The following MLLT3 variants were observed in gnomAD, a reference collection of about 807,000 sequenced individuals.
MLLT3 encodes the protein protein AF-9.
MLLT3 carries 4 observed loss-of-function variants against 53.2 expected under a neutral mutation model. The ratio of observed to expected loss-of-function variants is 0.08; its 90% CI spans 0.04 to 0.17. The LOEUF (loss-of-function observed/expected upper bound fraction) is 0.17. Among genes scored for constraint, MLLT3 ranks in the 10% least tolerant of loss-of-function variants. The probability of loss-of-function intolerance (pLI) is 1.00; values close to 1 mark genes in which losing one functional copy is unlikely to be tolerated. For synonymous variants in MLLT3, 283 were observed against 230.6 expected, an observed-to-expected ratio of 1.23 and a Z score of -2.06; for missense variants, 569 against 684.0, an observed-to-expected ratio of 0.83 and a Z score of 1.87.
At chr9:20,499,307 C>T (rs1419910038) in intron 2 of MLLT3, among the ~76,000 whole-genome samples, 1 of 152,136 alleles carries the variant, frequency 6.6e-6, no homozygotes, top group Non-Finnish European at 1.5e-5. Flanking sequence ...TAGGATTCAA[C>T]ATATATTTGG....
intron 2 of MLLT3, among the ~76,000 whole-genome samples, chr9:20,555,299 A>G (rs1234400921): frequency 6.6e-6 from 1 of 152,044 alleles, no homozygotes; most frequent in East Asian, 1.9e-4. Flanking sequence ...CCTCCAACCT[A>G]AATTTTTAGA....
intron 10 of MLLT3, among the ~76,000 whole-genome samples, chr9:20,348,696 A>G (rs1171380432): frequency 6.6e-6 from 1 of 152,200 alleles, no homozygotes; most frequent in Non-Finnish European, 1.5e-5. Flanking sequence ...GTACCCAATT[A>G]TGGTTAAAGT....
At chr9:20,587,156 A>T (rs1187467651) in intron 2 of MLLT3, among the ~76,000 whole-genome samples, 4 of 150,766 alleles carry the variant, frequency 2.7e-5, no homozygotes, top group Non-Finnish European at 5.9e-5. Flanking sequence ...TAATTTTTGC[A>T]TATTTCCAAC....
intron 5 of MLLT3, among the ~76,000 whole-genome samples, chr9:20,389,582 C>T (rs1822134207): frequency 6.6e-6 from 1 of 151,966 alleles, no homozygotes; most frequent in Non-Finnish European, 1.5e-5. Flanking sequence ...CAAGACCAGC[C>T]TGGGTAACAC....
chr9:20,622,069 G>GT (rs915832515), intron 1 of MLLT3, 176 bp downstream of exon 1: 1 of 218,900 alleles, frequency 4.6e-6, no homozygotes, highest in East Asian at 2.0e-4. Flanking sequence ...GCGCGCCGGG[G>GT]GGGGGTGGGG....
chr9:20,593,731 A>AC (rs1367867755), intron 2 of MLLT3, among the ~76,000 whole-genome samples: 3 of 152,058 alleles, frequency 2.0e-5, no homozygotes, highest in Non-Finnish European at 4.4e-5. Flanking sequence ...GTAATGTAAA[A>AC]CTCTGAGGCA....
At chr9:20,353,617 C>T (rs756923795) in intron 9 of MLLT3, 21 bp from the exon 10 acceptor site, 1 of 1,601,526 alleles carries the variant, frequency 6.2e-7, no homozygotes, top group South Asian at 1.1e-5. Flanking sequence ...AGAATGTCCC[C>T]GAAAAGGACA....
chr9:20,537,314 T>TA (rs1208404120), intron 2 of MLLT3, among the ~76,000 whole-genome samples: 2 of 152,040 alleles, frequency 1.3e-5, no homozygotes, highest in African/African-American at 4.8e-5. Flanking sequence ...TTGTCTAGAG[T>TA]AGGGGGCAGA....
In MLLT3 at chr9:20,462,625, C is replaced by CA. The variant is rs1824139057; in HGVS notation, c.194-5840dup. Among the ~76,000 whole-genome samples, 3 of 151,844 alleles carry CA rather than the reference C, an allele frequency of 2.0e-5. 1 individual carries two copies. The highest frequency in any genetic ancestry group is 2.0e-4 in the Admixed American group (3 of 15,240). On this transcript the variant is annotated intron_variant, in intron 2 of 10. Transcript: ENST00000380338. The stretch of plus-strand genomic sequence containing the variant: ...GAGAGCCTTCTGCCAATACTCAAAA[C>CA]AAAAAATGGTCATTTCTCTCTTCTA...
chr9:20,350,556 C>G (rs1431122608), intron 10 of MLLT3, among the ~76,000 whole-genome samples: 1 of 143,876 alleles, frequency 7.0e-6, no homozygotes, highest in Admixed American at 6.9e-5. Flanking sequence ...GATCCCGCCA[C>G]TGCACTCCAG....
chr9:20,483,238 A>ATT (rs1332971555), intron 2 of MLLT3, among the ~76,000 whole-genome samples: 2 of 62,168 alleles, frequency 3.2e-5, no homozygotes, highest in African/African-American at 1.8e-4. Flanking sequence ...TATTATTATT[A>ATT]TTATTTTTTT....
chr9:20,456,508 A>G (rs1369872086), intron 3 of MLLT3, among the ~76,000 whole-genome samples, 196 bp downstream of exon 3: 3 of 152,262 alleles, frequency 2.0e-5, no homozygotes, highest in East Asian at 3.8e-4. Flanking sequence ...CTGACTTCAT[A>G]TAATTAAAAT....
chr9:20,526,847 G>A lies in MLLT3; in HGVS notation c.194-70061C>T, dbSNP rs112024027. On this transcript the variant is annotated intron_variant, in intron 2 of 10. Coordinates refer to ENST00000380338, the MANE Select transcript of MLLT3 (RefSeq NM_004529.4). ...TTAGCAATTCTGGTGGTGGTGTAGT[G>A]AAATCACCTTGTGGTTTAATTTGCA... Among the ~76,000 whole-genome samples, 6 of 152,286 alleles carry A rather than the reference G, an allele frequency of 3.9e-5. 1 individual carries two copies. Among genetic ancestry groups the A allele is most frequent in the African/African-American group, 1.2e-4 (5 of 41,570 alleles).
chr9:20,405,978 G>T (rs1822567290), intron 5 of MLLT3, among the ~76,000 whole-genome samples: 1 of 152,020 alleles, frequency 6.6e-6, no homozygotes, highest in South Asian at 2.1e-4. Context: ...AGGGCATGGT[G>T]GTATGCGCCT....
At chr9:20,400,290 AAGAG>A (rs1822422840) in intron 5 of MLLT3, among the ~76,000 whole-genome samples, 1 of 152,162 alleles carries the variant, frequency 6.6e-6, no homozygotes, top group African/African-American at 2.4e-5. Flanking sequence ...CATGTGAAAA[AAGAG>A]AGATGAGGGA....
chr9:20,378,703 C>A (rs1178515239), intron 5 of MLLT3, among the ~76,000 whole-genome samples: 3 of 152,004 alleles, frequency 2.0e-5, no homozygotes, highest in Non-Finnish European at 4.4e-5. Context: ...GCTATACTTA[C>A]ATTCACTTCT....
At chr9:20,573,183 G>GTTTTTTTTTTTTTTT (rs1475878858) in intron 2 of MLLT3, among the ~76,000 whole-genome samples, 2 of 65,888 alleles carry the variant, frequency 3.0e-5, no homozygotes, top group African/African-American at 8.9e-5. Flanking sequence ...GTTTTTTTTT[G>GTTTTTTTTTTTTTTT]TTTTGTTTTT....
chr9:20,384,983 G>A lies in MLLT3; in HGVS notation c.1126-19239C>T, dbSNP rs571527472. Among the ~76,000 whole-genome samples the A allele has an allele frequency of 2.6e-5, 4 of 152,112 alleles. No homozygotes were observed. The South Asian group carries it at 8.3e-4, about 32-fold the overall frequency. On this transcript the variant is annotated intron_variant, in intron 5 of 10. Coordinates refer to ENST00000380338, the MANE Select transcript of MLLT3 (RefSeq NM_004529.4). ...TCTTTCCCTCTTCTTTGCCTTTTTA[G>A]ATCTCATAATCAACTAAAAATTCTT...
chr9:20,538,064 G>A (rs1384880204), intron 2 of MLLT3, among the ~76,000 whole-genome samples: 1 of 152,134 alleles, frequency 6.6e-6, no homozygotes, highest in Non-Finnish European at 1.5e-5. Flanking sequence ...CCATCTGGGT[G>A]TTAGAATTCT....
Sources: allele counts gnomAD v4.1 joint callset (sites outside exome capture counted in the v4.1 genomes callset), GRCh38; gene constraint gnomAD v4.1.1; transcripts MANE v1.5; gene names NCBI Gene and HGNC (gene_info 2026-07-23, HGNC 2026-07-21).